TBC1D1: variants seen among roughly 807,000 people sequenced by gnomAD.
TBC1D1 encodes TBC1 domain family member 1, also known as TBC1 (tre-2/USP6, BUB2, cdc16) domain family, member 1.
A neutral mutation model predicts 125.6 loss-of-function variants in TBC1D1; 89 were observed. That is an observed-to-expected ratio of 0.71 (90% CI 0.60 to 0.85). The LOEUF is 0.85. TBC1D1 is among the 40% of genes least tolerant of loss of function. The pLI, the probability that TBC1D1 is intolerant of heterozygous loss-of-function variation, is 0.00. For missense variants in TBC1D1, 1,377 were observed against 1,469.2 expected (o/e 0.94, Z 1.03); for synonymous variants, 565 against 564.1 (o/e 1.00, Z -0.02).
chr4:37,933,030 T>C (rs1723590619), intron 2 of TBC1D1, among the ~76,000 whole-genome samples: 1 of 150,250 alleles, frequency 6.7e-6, no homozygotes, highest in Non-Finnish European at 1.5e-5. Flanking sequence ...CCAGCCTGGG[T>C]GACAGACTGA....
chr4:37,984,985 C>T (rs1735140158), intron 2 of TBC1D1, among the ~76,000 whole-genome samples: 1 of 151,904 alleles, frequency 6.6e-6, no homozygotes, highest in Non-Finnish European at 1.5e-5. Context: ...TGGAGTCTTG[C>T]TCTGTCACCC....
At position 38,110,468 on chromosome 4, in the gene TBC1D1, G is replaced by A. The variant is rs145249450; in HGVS notation, c.2558-5242G>A. ...AAAGATTGATCCTGGAAGAACATCCGTTAGATGAGCAAAATTTTGTGGAGC... is the reference window on the plus strand; with the variant it reads ...AAAGATTGATCCTGGAAGAACATCCATTAGATGAGCAAAATTTTGTGGAGC... On this transcript the variant is annotated intron_variant, in intron 15 of 19. Transcript: ENST00000261439. 5.0e-4 allele frequency: 497 copies of A among 985,400 alleles called. 1 individual carries two copies. In the African/African-American group the frequency reaches 6.2e-3, roughly 12 times the overall value. The allele number at this position is 985,400 out of a possible 1,614,324, so 61.0% of individuals were successfully genotyped here.
chr4:38,119,761 G>A lies in TBC1D1; in HGVS notation c.2962+1569G>A, dbSNP rs190657942. Among the ~76,000 whole-genome samples the A allele has an allele frequency of 3.3e-5, 5 of 152,308 alleles. No individual in the cohort carries two copies. The East Asian group carries it at 7.7e-4, about 23-fold the overall frequency. On this transcript the variant is annotated intron_variant, in intron 17 of 19. Coordinates refer to ENST00000261439, the MANE Select transcript of TBC1D1 (RefSeq NM_015173.4). Reference sequence around the variant, plus strand: ...GAAGAGGAGTGAGGATGGAAATGGGGAGGAGGGAGCGCTGTTTGTTAATGG... The same window carrying A: ...GAAGAGGAGTGAGGATGGAAATGGGAAGGAGGGAGCGCTGTTTGTTAATGG...
chr4:38,122,585 C>A (rs1021831301), intron 17 of TBC1D1, among the ~76,000 whole-genome samples: 1 of 152,146 alleles, frequency 6.6e-6, no homozygotes, highest in African/African-American at 2.4e-5. Flanking sequence ...CCTCTTTGTT[C>A]TCGTAACACC....
At position 37,960,735 on chromosome 4, in the gene TBC1D1, A is replaced by G. The variant is rs1729847803; in HGVS notation, c.418-53774A>G. 2 of 1,614,092 alleles carry G rather than the reference A, an allele frequency of 1.2e-6. No individual in the cohort carries two copies. Among genetic ancestry groups the G allele is most frequent in the Admixed American group, 1.7e-5 (1 of 60,012 alleles). On this transcript the variant is annotated intron_variant, in intron 2 of 19. Coordinates refer to ENST00000261439, the MANE Select transcript of TBC1D1 (RefSeq NM_015173.4). ...GATGACCGAGAAGACTGTTAAAACA[A>G]AAAGTTCTGTTCCTGCCTCAGATGA... is the stretch of plus-strand genomic sequence containing the variant.
At chr4:37,994,701 A>G (rs186609423) in intron 2 of TBC1D1, among the ~76,000 whole-genome samples, 1 of 152,236 alleles carries the variant, frequency 6.6e-6, no homozygotes, top group Non-Finnish European at 1.5e-5. Context: ...TAAAACCAAA[A>G]ATGAAACTTG....
rs554460800 is a variant in TBC1D1, at chr4:38,044,214, C to T, written c.1414-148C>T. On this transcript the variant is annotated intron_variant, in intron 8 of 19. Coordinates refer to ENST00000261439, the MANE Select transcript of TBC1D1 (RefSeq NM_015173.4). Reference sequence around the variant, plus strand: ...GCAAAATTATTTCCTGGACTTGCAGCCATGTCACTAAGGAGCAGATGAGGT... The same window carrying T: ...GCAAAATTATTTCCTGGACTTGCAGTCATGTCACTAAGGAGCAGATGAGGT... The T allele has an allele frequency of 5.0e-6, 4 of 792,754 alleles. No individual in the cohort carries two copies. The African/African-American group carries it at 7.1e-5, about 14-fold the overall frequency. The allele number at this position is 792,754 out of a possible 1,614,324, so 49.1% of individuals were successfully genotyped here.
In TBC1D1 at chr4:38,107,577, G is replaced by GTTTTTT. The variant is rs3038351; in HGVS notation, c.2557+4439_2557+4444dup. Among the ~76,000 whole-genome samples the GTTTTTT allele has an allele frequency of 2.0e-3, 107 of 53,092 alleles. 6 individuals carry two copies. Among genetic ancestry groups the GTTTTTT allele is most frequent in the African/African-American group, 7.4e-3 (88 of 11,884 alleles). The allele number at this position is 53,092 out of a possible 152,430, so 34.8% of individuals were successfully genotyped here. ...TGAAATTGGCTTTTAGTCTAAACAGGTTTTTTTTTTTTTTTTTTTTTTTTG... is the reference window on the plus strand; with the variant it reads ...TGAAATTGGCTTTTAGTCTAAACAGGTTTTTTTTTTTTTTTTTTTTTTTTTTTTTTG... On this transcript the variant is annotated intron_variant, in intron 15 of 19. Transcript: ENST00000261439.
At chr4:37,934,021 T>C (rs1248866870) in intron 2 of TBC1D1, among the ~76,000 whole-genome samples, 2 of 152,166 alleles carry the variant, frequency 1.3e-5, no homozygotes, top group Non-Finnish European at 2.9e-5. Context: ...ATTGCATATG[T>C]TCAGGATAAA....
At chr4:38,045,776 A>G (rs1329780075) in intron 9 of TBC1D1, 41 bp from the exon 10 acceptor site, 1 of 1,548,174 alleles carries the variant, frequency 6.5e-7, no homozygotes, top group East Asian at 2.2e-5. Flanking sequence ...CCTTTGCAAA[A>G]GCCTCCAGAG....
At chr4:38,018,257 C>A in intron 3 of TBC1D1, 97 bp from the exon 4 acceptor site, 1 of 916,168 alleles carries the variant, frequency 1.1e-6, no homozygotes, top group Non-Finnish European at 1.7e-6. Flanking sequence ...ATGATAGAGT[C>A]AGAATTTTAT....
intron 2 of TBC1D1, 60 bp downstream of exon 2, chr4:37,902,572 G>C (rs1716316139): frequency 7.6e-7 from 1 of 1,310,224 alleles, no homozygotes. Flanking sequence ...ATTGTATGGG[G>C]GTCAGGATAT....
chr4:38,065,611 A>G (rs1227240826), intron 12 of TBC1D1, among the ~76,000 whole-genome samples: 1 of 151,054 alleles, frequency 6.6e-6, no homozygotes, highest in African/African-American at 2.4e-5. Flanking sequence ...TTTCACTTTT[A>G]CACAATTAGA....
At chr4:37,959,400 A>G (rs1285010369) in intron 2 of TBC1D1, among the ~76,000 whole-genome samples, 2 of 152,330 alleles carry the variant, frequency 1.3e-5, no homozygotes, top group East Asian at 1.9e-4. Flanking sequence ...GTAGAAATAG[A>G]TCATCATACA....
In TBC1D1 at chr4:38,082,073, G is replaced by A. The variant is rs60697561; in HGVS notation, c.2051-7859G>A. Among the ~76,000 whole-genome samples, 789 of 152,292 alleles carry A rather than the reference G, an allele frequency of 5.2e-3. 6 individuals carry two copies. The highest frequency in any genetic ancestry group is 0.017 in the African/African-American group (716 of 41,538). On this transcript the variant is annotated intron_variant, in intron 12 of 19. Transcript: ENST00000261439. ...ATAGTAAGTGCCCAGAAAATGTGAC[G>A]TCGGACCTCTTTAAGCTTCAGTTTC...
At position 38,125,134 on chromosome 4, in the gene TBC1D1, A is replaced by G. The variant is rs1578837005; in HGVS notation, c.3132+3A>G. 1.2e-6 allele frequency: 2 copies of G among 1,613,966 alleles called. No homozygotes were observed. The highest frequency in any genetic ancestry group is 1.7e-6 in the Non-Finnish European group (2 of 1,179,930). ...AGATGGAAAAGACCATCAATCAGGT[A>G]TGAGTCAGTCCAAACCTTGCAAATG... On this transcript the variant is annotated splice_donor_region_variant and intron_variant, in intron 18 of 19. Transcript: ENST00000261439.
intron 11 of TBC1D1, among the ~76,000 whole-genome samples, chr4:38,051,562 C>T (rs953958228): frequency 1.3e-5 from 2 of 151,816 alleles, no homozygotes; most frequent in African/African-American, 2.4e-5. Context: ...TGCTTGAGGC[C>T]AAGAGTTCAA....
At chr4:38,076,130 C>T (rs1407802123) in intron 12 of TBC1D1, among the ~76,000 whole-genome samples, 1 of 152,204 alleles carries the variant, frequency 6.6e-6, no homozygotes, top group East Asian at 1.9e-4. Context: ...CACAGTTCAG[C>T]ATGGCTGGGG....
rs767086082 is a variant in TBC1D1 at position 37,994,471 on chromosome 4, C to T, written c.418-20038C>T. On this transcript the variant is annotated intron_variant, in intron 2 of 19. Coordinates refer to ENST00000261439, the MANE Select transcript of TBC1D1 (RefSeq NM_015173.4). ...TGTTGCCCAGGCTGGTCTTGAACTC[C>T]TGGATTCAAGCACCCACCTACCTTG... Among the ~76,000 whole-genome samples, 5 of 152,070 alleles carry T rather than the reference C, an allele frequency of 3.3e-5. No individual in the cohort carries two copies. The East Asian group carries it at 9.7e-4, about 29-fold the overall frequency.
Sources: allele counts gnomAD v4.1 joint callset (sites outside exome capture counted in the v4.1 genomes callset), GRCh38; gene constraint gnomAD v4.1.1; transcripts MANE v1.5; gene names NCBI Gene and HGNC (gene_info 2026-07-23, HGNC 2026-07-21).